SNTB2: variants seen among roughly 807,000 people sequenced by gnomAD.
SNTB2 encodes beta-2-syntrophin.
Under a neutral mutation model 46.2 loss-of-function variants are expected in SNTB2, and 34 were observed. The observed-to-expected ratio is 0.74, with a 90% CI of 0.56 to 0.98. SNTB2 has a LOEUF of 0.98. Among genes scored for constraint, SNTB2 ranks in the 50% least tolerant of loss-of-function variants. The pLI is 0.00. For missense variants in SNTB2, 603 were observed against 731.4 expected (o/e 0.82, Z 2.02); for synonymous variants, 290 against 312.6 (o/e 0.93, Z 0.76).
chr16:69,280,373 T>G (rs1965028412), intron 4 of SNTB2, among the ~76,000 whole-genome samples: 1 of 152,176 alleles, frequency 6.6e-6, no homozygotes, highest in Non-Finnish European at 1.5e-5. Flanking sequence ...AATGAGCTGT[T>G]GGGTACACCT....
At chr16:69,294,539 T>C (rs251798) in intron 5 of SNTB2, among the ~76,000 whole-genome samples, 92,716 of 150,336 alleles carry the variant, frequency 0.62, 28,782 homozygotes, top group African/African-American at 0.69. Context: ...TCCTGGCCAA[T>C]ATGGCAAAAC....
At chr16:69,273,393 A>G (rs1327827984) in intron 4 of SNTB2, among the ~76,000 whole-genome samples, 1 of 152,262 alleles carries the variant, frequency 6.6e-6, no homozygotes, top group Non-Finnish European at 1.5e-5. Flanking sequence ...ACTATTCTGC[A>G]GTTAAAAACA....
chr16:69,206,047 A>G (rs1263683096), intron 1 of SNTB2, among the ~76,000 whole-genome samples: 1 of 152,102 alleles, frequency 6.6e-6, no homozygotes, highest in African/African-American at 2.4e-5. Flanking sequence ...CCCTGGCTGG[A>G]GTGCAGTGGT....
At chr16:69,209,218 G>A (rs148172710) in intron 1 of SNTB2, among the ~76,000 whole-genome samples, 391 of 152,232 alleles carry the variant, frequency 2.6e-3, no homozygotes, top group African/African-American at 9.1e-3. Flanking sequence ...TGATCCGCCT[G>A]CCTCAGCCTC....
intron 3 of SNTB2, among the ~76,000 whole-genome samples, chr16:69,262,792 T>C (rs1597191248): frequency 6.6e-6 from 1 of 152,126 alleles, no homozygotes; most frequent in East Asian, 1.9e-4. Flanking sequence ...TTCCCCTGCC[T>C]CAGCCTCCCG....
intron 2 of SNTB2, among the ~76,000 whole-genome samples, chr16:69,254,800 G>C (rs988181821): frequency 6.6e-6 from 1 of 152,108 alleles, no homozygotes; most frequent in African/African-American, 2.4e-5. Context: ...AACATAGTGA[G>C]ACCCTGTCTC....
chr16:69,281,645 C>G (rs910901294), intron 4 of SNTB2, among the ~76,000 whole-genome samples: 4 of 151,424 alleles, frequency 2.6e-5, no homozygotes, highest in Admixed American at 6.6e-5. Flanking sequence ...GAGGTCAAGA[C>G]CTGCCTGGCC....
At chr16:69,300,411 T>C (rs1342041897) in intron 6 of SNTB2, among the ~76,000 whole-genome samples, 1 of 152,132 alleles carries the variant, frequency 6.6e-6, no homozygotes. Context: ...CCACCATGCC[T>C]GGCTAATTTT....
intron 3 of SNTB2, among the ~76,000 whole-genome samples, chr16:69,264,983 C>T (rs1964870780): frequency 6.6e-6 from 1 of 152,236 alleles, no homozygotes; most frequent in African/African-American, 2.4e-5. Flanking sequence ...GGCACGGTGG[C>T]TCATGCCTGT....
chr16:69,272,502 G>A (rs796825065), intron 4 of SNTB2, among the ~76,000 whole-genome samples: 11 of 149,438 alleles, frequency 7.4e-5, no homozygotes, highest in African/African-American at 2.2e-4. Flanking sequence ...ATTGCACCAC[G>A]GCACTCCAGC....
intron 5 of SNTB2, among the ~76,000 whole-genome samples, chr16:69,297,420 C>T (rs1411111285): frequency 6.7e-6 from 1 of 150,094 alleles, no homozygotes; most frequent in Non-Finnish European, 1.5e-5. Context: ...GAGTTTGAGA[C>T]CAGCCTGACC....
In SNTB2 at chr16:69,187,746, G is replaced by T; in HGVS notation, c.580G>T (p.Val194Phe). 1 of 1,474,842 alleles carries T rather than the reference G, an allele frequency of 6.8e-7. No homozygotes were observed. The highest frequency in any genetic ancestry group is 2.9e-5 in the East Asian group (1 of 34,136). 91.4% of individuals were successfully genotyped at this position (1,474,842 alleles called of 1,614,324 possible). A position where few individuals can be genotyped will look rare whatever the true frequency, so the allele number is the denominator to read the frequency against. Residue 194 changes from valine (V) to phenylalanine (F), a missense_variant and splice_region_variant, in exon 1 of 7, where the codon GTC (valine) becomes TTC (phenylalanine). Val to Phe is a conservative substitution (Grantham distance 50). Around this residue, in one of 2 missense-constraint regions of SNTB2, gnomAD observed 537 missense variants for 692.4 expected, o/e 0.78. Coordinates refer to ENST00000336278, the MANE Select transcript of SNTB2 (RefSeq NM_006750.4). The part of the protein sequence containing the change: ...KRAGKEVLLE[V>F]KFIREVTPYI... ...CGCGGGCAAGGAGGTGCTGCTGGAG[G>T]GTGAGCGGGGCCGGGCGGGAGGGTG...
chr16:69,211,887 T>C (rs1407421150), intron 1 of SNTB2, among the ~76,000 whole-genome samples: 1 of 152,212 alleles, frequency 6.6e-6, no homozygotes, highest in Non-Finnish European at 1.5e-5. Context: ...TTGCAGTCTG[T>C]ATTTTGGTGG....
At chr16:69,209,662 G>A in intron 1 of SNTB2, among the ~76,000 whole-genome samples, 1 of 152,106 alleles carries the variant, frequency 6.6e-6, no homozygotes, top group East Asian at 1.9e-4. Flanking sequence ...TATTTTAGTA[G>A]CTATATTTTA....
intron 3 of SNTB2, among the ~76,000 whole-genome samples, chr16:69,269,506 A>C (rs1394272296): frequency 2.6e-5 from 4 of 151,780 alleles, no homozygotes; most frequent in Admixed American, 2.6e-4. Context: ...ACAGAGCAAG[A>C]CTGTCTCAGA....
At chr16:69,246,713 C>G (rs1229730146) in intron 2 of SNTB2, among the ~76,000 whole-genome samples, 8 of 144,212 alleles carry the variant, frequency 5.5e-5, no homozygotes, top group Non-Finnish European at 1.1e-4. Context: ...GGTTGGTAAA[C>G]TATTGATTAT....
At chr16:69,278,108 G>C (rs916199557) in intron 4 of SNTB2, among the ~76,000 whole-genome samples, 1 of 152,186 alleles carries the variant, frequency 6.6e-6, no homozygotes, top group Non-Finnish European at 1.5e-5. Context: ...CTTGAGCTCA[G>C]GAGTTCAAGA....
At chr16:69,252,958 G>A (rs1004863359) in intron 2 of SNTB2, among the ~76,000 whole-genome samples, 2 of 145,352 alleles carry the variant, frequency 1.4e-5, no homozygotes, top group Non-Finnish European at 3.0e-5. Context: ...GGAGTGCAGT[G>A]GCACGATCTT....
chr16:69,200,793 G>T (rs1164393287), intron 1 of SNTB2, among the ~76,000 whole-genome samples: 4 of 152,092 alleles, frequency 2.6e-5, no homozygotes, highest in African/African-American at 9.7e-5. Flanking sequence ...GGGATTACAG[G>T]TGTGAGCCAC....
Sources: allele counts gnomAD v4.1 joint callset (sites outside exome capture counted in the v4.1 genomes callset), GRCh38; gene constraint gnomAD v4.1.1; regional missense constraint gnomAD v4.1.1; transcripts MANE v1.5; gene names NCBI Gene and HGNC (gene_info 2026-07-23, HGNC 2026-07-21).